LRTM3: variants seen among roughly 807,000 people sequenced by gnomAD.
LRTM3 encodes leucine rich repeat transmembrane protein 3, also known as leucine-rich repeat transmembrane protein 3.
the LRTM3 span, chr13:102,729,958 G>C: frequency 6.4e-7 from 1 of 1,551,884 alleles, no homozygotes; most frequent in Non-Finnish European, 8.7e-7. Context: ...GAGCTGAAGA[G>C]TAACTTGTTC....
the LRTM3 span, chr13:102,738,152 A>G: frequency 1.3e-6 from 2 of 1,550,932 alleles, no homozygotes; most frequent in Non-Finnish European, 1.7e-6. Context: ...GTCCTGTGAA[A>G]GTGCCTTCTT....
chr13:102,758,912 G>T, the LRTM3 span: 1 of 1,533,344 alleles, frequency 6.5e-7, no homozygotes, highest in Non-Finnish European at 8.8e-7. Flanking sequence ...CTTTTTTAAA[G>T]GAATAATATT....
chr13:102,754,252 A>G, the LRTM3 span, among the ~76,000 whole-genome samples: 3 of 151,678 alleles, frequency 2.0e-5, no homozygotes, highest in Non-Finnish European at 4.4e-5. Flanking sequence ...ATTTCCCAAA[A>G]TCCAATAATC....
the LRTM3 span, chr13:102,747,469 T>A: frequency 6.5e-7 from 1 of 1,529,768 alleles, no homozygotes; most frequent in South Asian, 1.2e-5. Flanking sequence ...TTTCTGATAA[T>A]TTTTTTTTAA....
chr13:102,749,789 T>C, the LRTM3 span: 2 of 1,551,374 alleles, frequency 1.3e-6, no homozygotes, highest in Non-Finnish European at 1.7e-6. Context: ...CTGAAAAGCA[T>C]TTTGTCCTGG....
the LRTM3 span, chr13:102,729,654 A>AT: frequency 6.4e-7 from 1 of 1,550,530 alleles, no homozygotes; most frequent in South Asian, 1.2e-5. Context: ...GCAAAAAAAA[A>AT]GGGCCGGTTT....
the LRTM3 span, chr13:102,745,108 T>C: frequency 8.4e-6 from 13 of 1,550,692 alleles, no homozygotes; most frequent in Non-Finnish European, 1.1e-5. Flanking sequence ...GTGGGACATC[T>C]TGTTTGGTAA....
chr13:102,730,175 G>C, the LRTM3 span: 7 of 1,550,298 alleles, frequency 4.5e-6, no homozygotes, highest in Non-Finnish European at 6.1e-6. Flanking sequence ...AGTACAATGG[G>C]AACCTGAATC....
At chr13:102,755,927 G>GTATATATATATACATATA in the LRTM3 span, among the ~76,000 whole-genome samples, 1 of 111,724 alleles carries the variant, frequency 9.0e-6, no homozygotes, top group African/African-American at 3.9e-5. Context: ...GTGTGTGTGT[G>GTATATATATATACATATA]TGTGTATATA....
the LRTM3 span, chr13:102,737,943 C>G: frequency 5.2e-6 from 8 of 1,550,866 alleles, no homozygotes; most frequent in African/African-American, 1.4e-5. Flanking sequence ...TTCCCTTGCT[C>G]TATGCCTACT....
At chr13:102,730,247 G>A in the LRTM3 span, 1 of 1,551,346 alleles carries the variant, frequency 6.4e-7, no homozygotes, top group Non-Finnish European at 8.7e-7. Context: ...AGGAATGCCT[G>A]TCTGTAATTC....
At chr13:102,749,716 T>A in the LRTM3 span, 4 of 1,551,384 alleles carry the variant, frequency 2.6e-6, no homozygotes, top group Non-Finnish European at 3.5e-6. Context: ...TCTTAATTGA[T>A]TCTTGGTTAT....
the LRTM3 span, chr13:102,732,318 C>A: frequency 6.4e-7 from 1 of 1,551,364 alleles, no homozygotes; most frequent in South Asian, 1.2e-5. Flanking sequence ...TTTAACTTAA[C>A]ATCATACTCT....
the LRTM3 span, chr13:102,739,526 A>C: frequency 6.5e-7 from 1 of 1,550,360 alleles, no homozygotes; most frequent in Non-Finnish European, 8.7e-7. Flanking sequence ...AGAAGTACAC[A>C]AGTTTGTCAG....
chr13:102,754,201 T>C, the LRTM3 span, among the ~76,000 whole-genome samples: 3 of 85,252 alleles, frequency 3.5e-5, no homozygotes, highest in Non-Finnish European at 6.6e-5. Flanking sequence ...TGAGACTCCA[T>C]CTCCAAAAAA....
At chr13:102,737,011 A>G in the LRTM3 span, 2 of 1,551,026 alleles carry the variant, frequency 1.3e-6, no homozygotes, top group African/African-American at 2.7e-5. Flanking sequence ...CATCCAGTTC[A>G]CTTTTTCTTT....
At chr13:102,747,502 T>C in the LRTM3 span, 1 of 1,550,658 alleles carries the variant, frequency 6.4e-7, no homozygotes, top group Non-Finnish European at 8.7e-7. Flanking sequence ...TAAAATATGG[T>C]AAAGTAAGCA....
the LRTM3 span, among the ~76,000 whole-genome samples, chr13:102,753,399 C>T: frequency 4.0e-5 from 6 of 150,526 alleles, no homozygotes; most frequent in African/African-American, 1.2e-4. Context: ...ACCTAGATGA[C>T]GGGTTGATAG....
the LRTM3 span, chr13:102,748,431 C>A: frequency 5.2e-6 from 8 of 1,551,028 alleles, no homozygotes; most frequent in Non-Finnish European, 2.6e-6. Flanking sequence ...TCCAAAAAAT[C>A]TTTTTGTTTC....
Sources: gnomAD v4.1 joint callset for allele counts (sites outside exome capture counted in the v4.1 genomes callset) on GRCh38, gnomAD v4.1.1 for gene constraint, MANE v1.5 for transcripts, NCBI Gene and HGNC (gene_info 2026-07-23, HGNC 2026-07-21) for gene names.